Variants in LOC128125817 observed in about 807,000 individuals in gnomAD.
the LOC128125817 span, among the ~76,000 whole-genome samples, chr1:41,620,864 C>T: frequency 6.6e-6 from 1 of 152,260 alleles, no homozygotes; most frequent in Non-Finnish European, 1.5e-5. Context: ...TCAACCACTA[C>T]TGTGCACCAG....
chr1:41,626,885 G>C, the LOC128125817 span, among the ~76,000 whole-genome samples: 1 of 152,166 alleles, frequency 6.6e-6, no homozygotes, highest in African/African-American at 2.4e-5. Context: ...AAAGTGCTGG[G>C]TCTTTTGTAA....
chr1:41,622,672 G>T, the LOC128125817 span, among the ~76,000 whole-genome samples: 1 of 152,204 alleles, frequency 6.6e-6, no homozygotes, highest in Admixed American at 6.5e-5. Flanking sequence ...TGCCATAGAC[G>T]CTGGAAGCTA....
the LOC128125817 span, among the ~76,000 whole-genome samples, chr1:41,605,496 GAA>G: frequency 6.6e-6 from 1 of 151,736 alleles, no homozygotes; most frequent in South Asian, 2.1e-4. Context: ...CTCAATTTTT[GAA>G]AAGACATGGG....
chr1:41,608,673 G>A, the LOC128125817 span, among the ~76,000 whole-genome samples: 1 of 152,212 alleles, frequency 6.6e-6, no homozygotes, highest in Admixed American at 6.5e-5. Context: ...TGCTCTGTCT[G>A]TGCAATCTCA....
At chr1:41,609,239 T>C in the LOC128125817 span, among the ~76,000 whole-genome samples, 1 of 152,214 alleles carries the variant, frequency 6.6e-6, no homozygotes. Context: ...ATGCAGGGCA[T>C]CATCTCAGAA....
chr1:41,597,266 C>A, the LOC128125817 span, among the ~76,000 whole-genome samples: 4 of 152,182 alleles, frequency 2.6e-5, no homozygotes, highest in Admixed American at 2.6e-4. Context: ...AGAATGAAGT[C>A]TCCTGTGACA....
At chr1:41,595,340 G>A in the LOC128125817 span, among the ~76,000 whole-genome samples, 1 of 152,172 alleles carries the variant, frequency 6.6e-6, no homozygotes, top group Non-Finnish European at 1.5e-5. Flanking sequence ...GAGAGATTCA[G>A]CCATTGGCGT....
chr1:41,599,884 G>C, the LOC128125817 span, among the ~76,000 whole-genome samples: 3 of 151,988 alleles, frequency 2.0e-5, no homozygotes, highest in Non-Finnish European at 2.9e-5. Flanking sequence ...CAAGCAAAAC[G>C]ATTTTTAAAA....
At chr1:41,613,199 A>G in the LOC128125817 span, among the ~76,000 whole-genome samples, 1 of 152,268 alleles carries the variant, frequency 6.6e-6, no homozygotes, top group Non-Finnish European at 1.5e-5. Flanking sequence ...TGGGTTTCCC[A>G]ATAGGCTTTG....
At chr1:41,588,683 G>A in the LOC128125817 span, among the ~76,000 whole-genome samples, 1 of 152,168 alleles carries the variant, frequency 6.6e-6, no homozygotes, top group Non-Finnish European at 1.5e-5. Context: ...ACTTCTGAGT[G>A]GGGAGCAAAA....
At chr1:41,600,067 T>G in the LOC128125817 span, among the ~76,000 whole-genome samples, 1 of 152,136 alleles carries the variant, frequency 6.6e-6, no homozygotes, top group African/African-American at 2.4e-5. Context: ...GAAAAAGAAG[T>G]ATTTGCAAGG....
the LOC128125817 span, among the ~76,000 whole-genome samples, chr1:41,600,028 A>G: frequency 6.6e-6 from 1 of 152,188 alleles, no homozygotes; most frequent in Non-Finnish European, 1.5e-5. Context: ...ACCACCTCAC[A>G]CACATTAAAA....
chr1:41,598,339 C>T, the LOC128125817 span, among the ~76,000 whole-genome samples: 3 of 152,202 alleles, frequency 2.0e-5, no homozygotes, highest in African/African-American at 4.8e-5. Flanking sequence ...GCACACCTAC[C>T]TACAAGCTTC....
chr1:41,601,097 T>C, the LOC128125817 span, among the ~76,000 whole-genome samples: 121 of 152,330 alleles, frequency 7.9e-4, no homozygotes, highest in African/African-American at 2.8e-3. Flanking sequence ...TTCTCTGTTC[T>C]GTTTCATTGG....
chr1:41,625,528 C>T, the LOC128125817 span, among the ~76,000 whole-genome samples: 1 of 152,114 alleles, frequency 6.6e-6, no homozygotes, highest in African/African-American at 2.4e-5. Flanking sequence ...AGAGGTGTCG[C>T]TAATAACATA....
At chr1:41,588,797 G>A in the LOC128125817 span, among the ~76,000 whole-genome samples, 1 of 152,172 alleles carries the variant, frequency 6.6e-6, no homozygotes, top group South Asian at 2.1e-4. Context: ...GAGCCATGGT[G>A]GAGGGTGGCT....
At chr1:41,599,820 A>T in the LOC128125817 span, among the ~76,000 whole-genome samples, 3 of 152,196 alleles carry the variant, frequency 2.0e-5, no homozygotes, top group Admixed American at 1.3e-4. Context: ...CTTGCAAATC[A>T]TATATCTGAT....
chr1:41,593,943 G>T, the LOC128125817 span, among the ~76,000 whole-genome samples: 2 of 152,196 alleles, frequency 1.3e-5, no homozygotes, highest in East Asian at 3.9e-4. Context: ...CTCATGGAAG[G>T]CTCCCCTTCC....
At chr1:41,602,558 A>G in the LOC128125817 span, among the ~76,000 whole-genome samples, 1 of 151,826 alleles carries the variant, frequency 6.6e-6, no homozygotes, top group African/African-American at 2.4e-5. Flanking sequence ...TATCCTTTTT[A>G]TTTCTGTGGC....
Sources: allele counts gnomAD v4.1 joint callset (sites outside exome capture counted in the v4.1 genomes callset), GRCh38; gene constraint gnomAD v4.1.1; transcripts MANE v1.5.